Variants in PCDHGA10 observed in about 807,000 individuals in gnomAD.
PCDHGA10 encodes the protein protocadherin gamma-A10.
Under a neutral mutation model 59.5 loss-of-function variants are expected in PCDHGA10, and 42 were observed. The observed-to-expected ratio is 0.71, with a 90% CI of 0.55 to 0.91. The LOEUF (loss-of-function observed/expected upper bound fraction) is 0.91, where lower values mean the gene tolerates loss of function less well. Ranked by LOEUF, PCDHGA10 falls within the 40% of genes least tolerant of loss-of-function variation. PCDHGA10 has a pLI of 0.00. For synonymous variants in PCDHGA10, 511 were observed against 517.2 expected, an observed-to-expected ratio of 0.99 and a Z score of 0.16; for missense variants, 1,111 against 1,198.2, an observed-to-expected ratio of 0.93 and a Z score of 1.07.
intron 3 of PCDHGA10, among the ~76,000 whole-genome samples, chr5:141,506,781 T>C (rs965408564): frequency 1.4e-4 from 22 of 152,168 alleles, no homozygotes; most frequent in African/African-American, 5.3e-4. Context: ...CCTGGGCTTA[T>C]AAGGAGGCTG....
In PCDHGA10 at chr5:141,490,291, C is replaced by T; in HGVS notation, c.2437-4516C>T. 6.2e-7 allele frequency: 1 copy of T among 1,614,212 alleles called. No homozygotes were observed. Among genetic ancestry groups the T allele is most frequent in the Non-Finnish European group, 8.5e-7 (1 of 1,180,048 alleles). On this transcript the variant is annotated intron_variant, in intron 1 of 3. Transcript: ENST00000398610. The surrounding 1 kb of genome is among the most constrained non-coding windows in gnomAD (Gnocchi z 5.4). ...TGTCAATGACAATGCCCCAGAGGTG[C>T]TATTGGCCTCTTTGGCCAACCCTGT...
At chr5:141,501,540 A>G (rs151047391) in intron 2 of PCDHGA10, among the ~76,000 whole-genome samples, 2 of 152,138 alleles carry the variant, frequency 1.3e-5, no homozygotes, top group East Asian at 3.9e-4. Flanking sequence ...GTTGTTGTGC[A>G]TAAGATCATA....
rs1018097924 is a variant in PCDHGA10 at position 141,413,435 on chromosome 5, G to C, written c.260G>C (p.Ser87Thr). The part of the protein sequence containing the change: ...QLFSLNPRSG[S>T]LITAGRIDRE... Reference sequence around the variant, plus strand: ...TTCTCTCTGAACCCGCGCAGCGGCAGCTTGATCACCGCGGGCAGGATAGAC... The same window carrying C: ...TTCTCTCTGAACCCGCGCAGCGGCACCTTGATCACCGCGGGCAGGATAGAC... The change falls in exon 1 of 4, where the codon AGC (serine) becomes ACC (threonine). Residue 87 changes from serine (S) to threonine (T), a missense_variant. Transcript: ENST00000398610. The C allele has an allele frequency of 6.2e-6, 10 of 1,614,004 alleles. No homozygotes were observed. The Admixed American group carries it at 1.7e-4, about 27-fold the overall frequency.
At position 141,491,369 on chromosome 5, in the gene PCDHGA10, CCTTT is replaced by C; in HGVS notation, c.2437-3435_2437-3432del. ...AGTCTCTTATCCCTAGTCACCTTCACCTTTCTGTCAGCGAAGTGCCTTCAGGGAA... is the reference window on the plus strand; with the variant it reads ...AGTCTCTTATCCCTAGTCACCTTCACCTGTCAGCGAAGTGCCTTCAGGGAA... On this transcript the variant is annotated intron_variant, in intron 1 of 3. Transcript: ENST00000398610. The surrounding 1 kb of genome is among the most constrained non-coding windows in gnomAD (Gnocchi z 6.9). 1 of 1,614,110 alleles carries C rather than the reference CCTTT, an allele frequency of 6.2e-7. No individual in the cohort carries two copies. Among genetic ancestry groups the C allele is most frequent in the Non-Finnish European group, 8.5e-7 (1 of 1,179,996 alleles).
At chr5:141,500,723 G>A (rs6875791) in intron 2 of PCDHGA10, among the ~76,000 whole-genome samples, 4,890 of 152,100 alleles carry the variant, frequency 0.032, 255 homozygotes, top group African/African-American at 0.11. Flanking sequence ...ATTTCCCCAT[G>A]TCTTTCAAAA....
Position 141,495,011 on chromosome 5 carries a change from G to A in PCDHGA10, c.2495+146G>A, listed in dbSNP as rs2099758277. On this transcript the variant is annotated intron_variant, in intron 2 of 3. Coordinates refer to ENST00000398610, the MANE Select transcript of PCDHGA10 (RefSeq NM_018913.3). ...CCAGGGAGGTCTTGGTGTGCGGGGG[G>A]CTGGCACACAGACCCCGGAAGGAAG... is the stretch of plus-strand genomic sequence containing the variant. 4.6e-6 allele frequency: 7 copies of A among 1,512,044 alleles called. No individual in the cohort carries two copies. In the East Asian group the frequency reaches 1.5e-4, roughly 32 times the overall value. 93.7% of individuals were successfully genotyped at this position (1,512,044 alleles called of 1,614,324 possible).
At chr5:141,478,870 G>A (rs1463992722) in intron 1 of PCDHGA10, 6 of 1,273,242 alleles carry the variant, frequency 4.7e-6, no homozygotes, top group Non-Finnish European at 5.2e-6. Flanking sequence ...AGCGATCAGA[G>A]TTTAGCTTGG....
intron 1 of PCDHGA10, among the ~76,000 whole-genome samples, chr5:141,488,398 A>T (rs2099675065): frequency 6.6e-6 from 1 of 152,192 alleles, no homozygotes; most frequent in African/African-American, 2.4e-5. Flanking sequence ...GAAACCATGA[A>T]ACCTAGAAGC....
chr5:141,433,108 G>A (rs2097568903), intron 1 of PCDHGA10: 2 of 1,614,146 alleles, frequency 1.2e-6, no homozygotes, highest in East Asian at 2.2e-5. Context: ...TCAGCCAGGA[G>A]AGCTTTGAAA....
chr5:141,494,675 C>A, intron 1 of PCDHGA10, 132 bp from the exon 2 acceptor site: 2 of 1,548,574 alleles, frequency 1.3e-6, no homozygotes, highest in South Asian at 1.2e-5. Flanking sequence ...TGAGTCCACC[C>A]CTGCCCCCTC....
At chr5:141,430,379 T>C (rs1174248880) in intron 1 of PCDHGA10, among the ~76,000 whole-genome samples, 1 of 149,570 alleles carries the variant, frequency 6.7e-6, no homozygotes, top group Non-Finnish European at 1.5e-5. Flanking sequence ...AAAAAGCTCA[T>C]TGGGAAAAAA....
Position 141,414,623 on chromosome 5 carries a change from C to T in PCDHGA10, c.1448C>T (p.Pro483Leu), listed in dbSNP as rs998923536. 1.2e-6 allele frequency: 2 copies of T among 1,613,820 alleles called. No homozygotes were observed. Among genetic ancestry groups the T allele is most frequent in the African/African-American group, 1.3e-5 (1 of 74,910 alleles). The change falls in exon 1 of 4, where the codon CCG becomes CTG. Residue 483 changes from proline to leucine, a missense_variant. By Grantham distance (98) the Pro-to-Leu change is moderately conservative. Transcript: ENST00000398610. The stretch of plus-strand genomic sequence containing the variant: ...ATCTTCTCAGTGACAGCGCTGGACC[C>T]GGACAGCAAAGAGAATGCCCAGATT... ...ASIFSVTALD[P>L]DSKENAQIIY...
chr5:141,468,983 AATT>A (rs958294955), intron 1 of PCDHGA10, among the ~76,000 whole-genome samples: 5 of 148,376 alleles, frequency 3.4e-5, no homozygotes, highest in Admixed American at 6.8e-5. Context: ...TGACTTCCAA[AATT>A]ATTGTTTTTG....
In PCDHGA10 at chr5:141,434,333, G is replaced by A. The variant is rs200059384; in HGVS notation, c.2436+18722G>A. On this transcript the variant is annotated intron_variant, in intron 1 of 3. Coordinates refer to ENST00000398610, the MANE Select transcript of PCDHGA10 (RefSeq NM_018913.3). The stretch of plus-strand genomic sequence containing the variant: ...TCTTCCTCTTGCTGCTTGTCTCTTT[G>A]TGTCGGGAACAGGCCCCCCAAAATC... Among the ~76,000 whole-genome samples, 23 of 152,220 alleles carry A rather than the reference G, an allele frequency of 1.5e-4. No individual in the cohort carries two copies. In the East Asian group the frequency reaches 4.3e-3, roughly 28 times the overall value.
chr5:141,428,124 C>T, intron 1 of PCDHGA10: 1 of 1,605,400 alleles, frequency 6.2e-7, no homozygotes, highest in South Asian at 1.1e-5. Context: ...CGAGCCCGGG[C>T]TTTTCAGCCT....
intron 1 of PCDHGA10, among the ~76,000 whole-genome samples, chr5:141,492,095 CT>C (rs1047956109): frequency 6.6e-6 from 1 of 152,232 alleles, no homozygotes; most frequent in African/African-American, 2.4e-5. Context: ...CTTCGCCGGT[CT>C]GTAGATTTCC....
intron 1 of PCDHGA10, among the ~76,000 whole-genome samples, chr5:141,451,364 C>T (rs970149151): frequency 3.9e-5 from 6 of 152,078 alleles, no homozygotes; most frequent in Middle Eastern, 3.2e-3. Context: ...AGGATGGATC[C>T]GCTTCTAATC....
intron 1 of PCDHGA10, chr5:141,416,359 A>G (rs1215806118): frequency 6.6e-6 from 1 of 152,228 alleles, no homozygotes; most frequent in Non-Finnish European, 1.5e-5. Flanking sequence ...TGAGGAGGCT[A>G]TAGAGGGTGA....
chr5:141,431,700 TC>T lies in PCDHGA10; in HGVS notation c.2436+16090del. On this transcript the variant is annotated intron_variant, in intron 1 of 3. Coordinates refer to ENST00000398610, the MANE Select transcript of PCDHGA10 (RefSeq NM_018913.3). The surrounding 1 kb of genome is among the most constrained non-coding windows in gnomAD (Gnocchi z 4.8). ...GAGTTGGACCACGAGGAGTCAGGAT[TC>T]TACCAGATGGAAGTGCAAGCAATGG... 6.2e-7 allele frequency: 1 copy of T among 1,614,218 alleles called. No individual in the cohort carries two copies.
Sources: gnomAD v4.1 joint callset for allele counts (sites outside exome capture counted in the v4.1 genomes callset) on GRCh38, gnomAD v4.1.1 for gene constraint, Gnocchi (gnomAD v3.1) non-coding constraint, MANE v1.5 for transcripts, NCBI Gene and HGNC (gene_info 2026-07-23, HGNC 2026-07-21) for gene names.